The following BTBD9 variants were observed in gnomAD, a reference collection of about 807,000 sequenced individuals.
BTBD9 encodes the protein BTB/POZ domain-containing protein 9.
In BTBD9, 49 loss-of-function variants were observed where a neutral mutation model predicts 64.3. The ratio of observed to expected loss-of-function variants is 0.76; its 90% confidence interval spans 0.61 to 0.97. The LOEUF (loss-of-function observed/expected upper bound fraction) is 0.97. Among genes scored for constraint, BTBD9 ranks in the 50% least tolerant of loss-of-function variants. The pLI, the probability that BTBD9 is intolerant of heterozygous loss-of-function variation, is 0.00. For synonymous variants in BTBD9, 260 were observed against 274.7 expected (o/e 0.95, Z 0.53); for missense variants, 598 against 762.1 (o/e 0.78, Z 2.53).
intron 9 of BTBD9, among the ~76,000 whole-genome samples, chr6:38,203,401 T>C (rs1212991204): frequency 9.9e-5 from 15 of 152,108 alleles, no homozygotes; most frequent in Admixed American, 9.8e-4. Context: ...CTTCTGGCTA[T>C]CTATCCAAAA....
At chr6:38,424,299 T>C (rs1768044861) in intron 6 of BTBD9, among the ~76,000 whole-genome samples, 1 of 151,904 alleles carries the variant, frequency 6.6e-6, no homozygotes, top group African/African-American at 2.4e-5. Flanking sequence ...TACAAGGTCA[T>C]ATAGTCCATT....
chr6:38,170,326 T>C lies in BTBD9; in HGVS notation c.*4659A>G, dbSNP rs1443537616. ...CTTGGGGCCAGCACTGTGCAAAGGA[T>C]GGGTGAGCACGCTGTCCCTCGGAGC... On this transcript the variant is annotated 3_prime_UTR_variant, in exon 11 of 11. Coordinates refer to ENST00000481247, the MANE Select transcript of BTBD9 (RefSeq NM_001099272.2). The C allele has an allele frequency of 6.6e-6, 1 of 152,296 alleles. No homozygotes were observed. The highest frequency in any genetic ancestry group is 1.5e-5 in the Non-Finnish European group (1 of 68,234). 9.4% of individuals were successfully genotyped at this position (152,296 alleles called of 1,614,324 possible). A position where few individuals can be genotyped will look rare whatever the true frequency, so the allele number is the denominator to read the frequency against.
chr6:38,243,307 G>A (rs1447147417), intron 9 of BTBD9, among the ~76,000 whole-genome samples: 1 of 152,188 alleles, frequency 6.6e-6, no homozygotes, highest in Admixed American at 6.5e-5. Context: ...TGTTTAGGGA[G>A]AGCTGGTCAT....
intron 6 of BTBD9, among the ~76,000 whole-genome samples, chr6:38,476,669 G>A (rs946279607): frequency 1.3e-5 from 2 of 152,050 alleles, no homozygotes; most frequent in Admixed American, 6.6e-5. Flanking sequence ...AAATAACAAA[G>A]GATCTATTTT....
At chr6:38,546,050 C>G (rs1402005634) in intron 6 of BTBD9, among the ~76,000 whole-genome samples, 1 of 152,034 alleles carries the variant, frequency 6.6e-6, no homozygotes, top group Non-Finnish European at 1.5e-5. Flanking sequence ...TTCCAATTCT[C>G]TATATATTCT....
intron 6 of BTBD9, among the ~76,000 whole-genome samples, chr6:38,440,690 G>A (rs1037774482): frequency 6.6e-6 from 1 of 152,066 alleles, no homozygotes; most frequent in Non-Finnish European, 1.5e-5. Flanking sequence ...ATTACTTTTA[G>A]GTATGTCAAA....
At chr6:38,462,670 T>C (rs771718739) in intron 6 of BTBD9, among the ~76,000 whole-genome samples, 4 of 152,254 alleles carry the variant, frequency 2.6e-5, no homozygotes, top group African/African-American at 9.6e-5. Flanking sequence ...TCTTCAACAA[T>C]GCCTGCTGGG....
At chr6:38,193,316 G>A (rs1342489809) in intron 9 of BTBD9, among the ~76,000 whole-genome samples, 1 of 152,148 alleles carries the variant, frequency 6.6e-6, no homozygotes, top group East Asian at 1.9e-4. Context: ...GGCAGTGGGG[G>A]TCCTGCACCA....
At chr6:38,604,132 G>A (rs964070495) in intron 1 of BTBD9, among the ~76,000 whole-genome samples, 2 of 152,162 alleles carry the variant, frequency 1.3e-5, no homozygotes, top group Non-Finnish European at 2.9e-5. Context: ...AAACCTTGCA[G>A]AAGAGAATTA....
chr6:38,622,872 G>A (rs1416218054), intron 1 of BTBD9, among the ~76,000 whole-genome samples: 1 of 152,106 alleles, frequency 6.6e-6, no homozygotes, highest in African/African-American at 2.4e-5. Context: ...CATACTCCCT[G>A]CATGACCATT....
intron 7 of BTBD9, among the ~76,000 whole-genome samples, chr6:38,316,529 C>A (rs1455740347): frequency 6.6e-6 from 1 of 152,050 alleles, no homozygotes; most frequent in Non-Finnish European, 1.5e-5. Context: ...AAACTGTTAA[C>A]AACACTGATT....
chr6:38,556,510 T>A (rs1775019424), intron 6 of BTBD9, among the ~76,000 whole-genome samples: 2 of 101,678 alleles, frequency 2.0e-5, no homozygotes, highest in Admixed American at 1.1e-4. Context: ...CTATAAAGTG[T>A]GTGTGTGTGT....
At chr6:38,335,345 T>G (rs1165624286) in intron 7 of BTBD9, among the ~76,000 whole-genome samples, 1 of 151,072 alleles carries the variant, frequency 6.6e-6, no homozygotes, top group African/African-American at 2.4e-5. Flanking sequence ...CTCCGCCTCC[T>G]GGGTTCAAAG....
chr6:38,455,704 T>C (rs1289912476), intron 6 of BTBD9, among the ~76,000 whole-genome samples: 3 of 152,198 alleles, frequency 2.0e-5, no homozygotes, highest in Non-Finnish European at 4.4e-5. Context: ...TTGTCAACTT[T>C]TTTGTTTGTT....
At chr6:38,501,208 T>C (rs1401574988) in intron 6 of BTBD9, among the ~76,000 whole-genome samples, 1 of 152,134 alleles carries the variant, frequency 6.6e-6, no homozygotes, top group Non-Finnish European at 1.5e-5. Flanking sequence ...TTAGTGCAGG[T>C]TGAGTATCCC....
intron 6 of BTBD9, among the ~76,000 whole-genome samples, chr6:38,525,010 TG>T (rs1218690516): frequency 6.6e-6 from 1 of 152,162 alleles, no homozygotes; most frequent in African/African-American, 2.4e-5. Context: ...TATTTAAGAC[TG>T]ACATAGGCAC....
intron 10 of BTBD9, among the ~76,000 whole-genome samples, chr6:38,175,980 A>G (rs1372121400): frequency 1.3e-5 from 2 of 152,248 alleles, no homozygotes; most frequent in African/African-American, 4.8e-5. Flanking sequence ...CATACCTGAC[A>G]GCAGGTCAGC....
intron 6 of BTBD9, among the ~76,000 whole-genome samples, chr6:38,400,846 T>C (rs1420619958): frequency 6.6e-6 from 1 of 152,236 alleles, no homozygotes; most frequent in South Asian, 2.1e-4. Context: ...GGAATTCTCA[T>C]GTGTACTATT....
chr6:38,433,497 C>A (rs892125907), intron 6 of BTBD9, among the ~76,000 whole-genome samples: 1 of 151,884 alleles, frequency 6.6e-6, no homozygotes, highest in Non-Finnish European at 1.5e-5. Context: ...ATTCCTTCTC[C>A]TGGCTCAGAA....
Sources: allele counts gnomAD v4.1 joint callset (sites outside exome capture counted in the v4.1 genomes callset), GRCh38; gene constraint gnomAD v4.1.1; transcripts MANE v1.5; gene names NCBI Gene and HGNC (gene_info 2026-07-23, HGNC 2026-07-21).